The following DNAH11 variants were observed in gnomAD, a reference collection of about 807,000 sequenced individuals.
DNAH11 encodes axonemal beta dynein heavy chain 11.
In DNAH11, 442 loss-of-function variants were observed where a neutral mutation model predicts 526.0. That is an observed-to-expected ratio of 0.84 (90% CI 0.78 to 0.91). DNAH11 has a LOEUF of 0.91. DNAH11 is among the 40% of genes least tolerant of loss of function. The pLI, the probability that DNAH11 is intolerant of heterozygous loss-of-function variation, is 0.00. For missense variants in DNAH11, 6,989 were observed against 5,448.7 expected (o/e 1.28, Z -8.90); for synonymous variants, 2,461 against 1,935.9 (o/e 1.27, Z -7.12).
chr7:21,544,726 GA>G (rs1203375959), intron 1 of DNAH11, among the ~76,000 whole-genome samples: 1 of 152,012 alleles, frequency 6.6e-6, no homozygotes, highest in Non-Finnish European at 1.5e-5. Context: ...TTAGTTATAA[GA>G]TTTTTTTTTT....
chr7:21,740,808 C>G (rs1785848249), intron 48 of DNAH11, among the ~76,000 whole-genome samples: 1 of 152,192 alleles, frequency 6.6e-6, no homozygotes, highest in South Asian at 2.1e-4. Flanking sequence ...ATACTGTTTT[C>G]CATGACAACT....
In DNAH11 at chr7:21,710,654, T is replaced by C. The variant is rs1169901065; in HGVS notation, c.6785T>C (p.Ile2262Thr). 1.2e-6 allele frequency: 2 copies of C among 1,613,362 alleles called. No individual in the cohort carries two copies. The highest frequency in any genetic ancestry group is 1.7e-5 in the Admixed American group (1 of 59,922). Reference protein sequence around the residue: ...GPKWIVLDGDIDPMWIESLNT... With the variant: ...GPKWIVLDGDTDPMWIESLNT... ...AAATGGATAGTCCTGGATGGCGATA[T>C]TGACCCCATGTGGATTGAATCACTG... Residue 2262 changes from isoleucine to threonine, a missense_variant, in exon 41 of 82, where the codon ATT becomes ACT. Physicochemically the swap from Ile to Thr is moderately conservative, Grantham distance 89. Transcript: ENST00000409508.
Position 21,701,852 on chromosome 7 carries a change from G to A in DNAH11, c.6181-858G>A, listed in dbSNP as rs140397950. 4.5e-3 allele frequency among the ~76,000 whole-genome samples: 681 copies of A among 152,204 alleles called. 4 individuals carry two copies. The highest frequency in any genetic ancestry group is 0.015 in the African/African-American group (604 of 41,522). On this transcript the variant is annotated intron_variant, in intron 36 of 81. Transcript: ENST00000409508. The stretch of plus-strand genomic sequence containing the variant: ...GATGATGATTCTGAGGCTCTGGGAG[G>A]TAAAGTGTCTTTCCCATAGACACAG...
intron 68 of DNAH11, among the ~76,000 whole-genome samples, chr7:21,860,099 G>A (rs1783000205): frequency 1.3e-5 from 2 of 152,092 alleles, no homozygotes; most frequent in South Asian, 4.2e-4. Context: ...CTTAGGACCG[G>A]GAGGTTGAGG....
At chr7:21,551,297 G>A (rs976918888) in intron 2 of DNAH11, among the ~76,000 whole-genome samples, 4 of 152,144 alleles carry the variant, frequency 2.6e-5, no homozygotes, top group African/African-American at 9.7e-5. Flanking sequence ...GCTCAGCAGC[G>A]CCATCTGCAA....
chr7:21,789,420 G>A, intron 61 of DNAH11, 78 bp downstream of exon 61: 2 of 866,542 alleles, frequency 2.3e-6, no homozygotes, highest in Non-Finnish European at 3.6e-6. Context: ...CCCTCAGACA[G>A]CACCATATCT....
chr7:21,647,906 A>G (rs1787435335), intron 28 of DNAH11, among the ~76,000 whole-genome samples: 1 of 152,194 alleles, frequency 6.6e-6, no homozygotes, highest in African/African-American at 2.4e-5. Flanking sequence ...GAAATGTTAG[A>G]GAAAGTTCTT....
At chr7:21,634,854 T>A (rs768949408) in intron 25 of DNAH11, among the ~76,000 whole-genome samples, 9 of 152,160 alleles carry the variant, frequency 5.9e-5, no homozygotes, top group Non-Finnish European at 1.3e-4. Flanking sequence ...TGAGGACAGA[T>A]TTAAAACATT....
rs749125298 is a variant in DNAH11, at chr7:21,564,275, C to A, written c.1072C>A (p.Arg358Ser). The A allele has an allele frequency of 6.2e-7, 1 of 1,613,470 alleles. No homozygotes were observed. The change falls in exon 6 of 82, where the codon CGC (arginine) becomes AGC (serine). Residue 358 changes from arginine (R) to serine (S), a missense_variant. Coordinates refer to ENST00000409508, the MANE Select transcript of DNAH11 (RefSeq NM_001277115.2). Reference protein sequence around the residue: ...CLQETEFPQTRILIAPLFHTI... With the variant: ...CLQETEFPQTSILIAPLFHTI... ...CCAGGAGACGGAATTCCCACAGACA[C>A]GCATATTAATCGCTCCATTATTTCA...
intron 57 of DNAH11, among the ~76,000 whole-genome samples, chr7:21,779,980 G>A (rs1787866897): frequency 6.6e-6 from 1 of 151,440 alleles, no homozygotes; most frequent in South Asian, 2.1e-4. Context: ...AAATATTTGA[G>A]TTTTTCCAGT....
chr7:21,607,018 C>A (rs1484526490), intron 20 of DNAH11, among the ~76,000 whole-genome samples: 1 of 152,084 alleles, frequency 6.6e-6, no homozygotes, highest in African/African-American at 2.4e-5. Context: ...TGACTCACAC[C>A]ATCACAAGGC....
At chr7:21,869,888 A>G (rs989116242) in intron 73 of DNAH11, among the ~76,000 whole-genome samples, 3 of 152,190 alleles carry the variant, frequency 2.0e-5, no homozygotes, top group Non-Finnish European at 4.4e-5. Flanking sequence ...GAGTATTACA[A>G]GAACCAGTGG....
intron 32 of DNAH11, among the ~76,000 whole-genome samples, chr7:21,685,985 A>G (rs1229395794): frequency 6.6e-6 from 1 of 152,198 alleles, no homozygotes; most frequent in African/African-American, 2.4e-5. Flanking sequence ...CCTACCCAAA[A>G]CTTGGAACCA....
chr7:21,611,777 A>G (rs1408117126), intron 20 of DNAH11, among the ~76,000 whole-genome samples: 1 of 152,218 alleles, frequency 6.6e-6, no homozygotes, highest in Non-Finnish European at 1.5e-5. Flanking sequence ...TCTACTGGGA[A>G]AAATTCTCTC....
In DNAH11 at chr7:21,778,996, C is replaced by G. The variant is rs762365911; in HGVS notation, c.9375C>G (p.Ala3125=). The change falls in exon 57 of 82, where the codon GCC becomes GCG. Residue 3125 remains alanine, a synonymous_variant. Coordinates refer to ENST00000409508, the MANE Select transcript of DNAH11 (RefSeq NM_001277115.2). ...DLKARLASQE[A]ELQLRNHDAE... ...AAGCCAGACTTGCCTCTCAAGAAGC[C>G]GAGCTGCAACTGAGAAATCATGATG... The G allele has an allele frequency of 6.2e-7, 1 of 1,613,286 alleles. No individual in the cohort carries two copies. Among genetic ancestry groups the G allele is most frequent in the African/African-American group, 1.3e-5 (1 of 74,996 alleles).
chr7:21,841,809 A>G (rs1782214693), intron 65 of DNAH11, among the ~76,000 whole-genome samples: 1 of 152,190 alleles, frequency 6.6e-6, no homozygotes, highest in Admixed American at 6.5e-5. Flanking sequence ...CAAATGCACG[A>G]CACTGAACAT....
chr7:21,769,578 G>A (rs961787650), intron 55 of DNAH11, among the ~76,000 whole-genome samples: 8 of 151,664 alleles, frequency 5.3e-5, no homozygotes, highest in African/African-American at 9.7e-5. Flanking sequence ...TCCGCCTCTC[G>A]GGTTCAAGTG....
Position 21,655,065 on chromosome 7 carries a change from T to TG in DNAH11, c.4945-767_4945-766insG, listed in dbSNP as rs548930529. ...TGATCTGATCTTTGTTGTTGTTGGT[T>TG]TTCCCCCCCCACCCCCAAATTGTCT... On this transcript the variant is annotated intron_variant, in intron 28 of 81. Coordinates refer to ENST00000409508, the MANE Select transcript of DNAH11 (RefSeq NM_001277115.2). Among the ~76,000 whole-genome samples the TG allele has an allele frequency of 1.8e-3, 279 of 150,986 alleles. 3 individuals carry two copies. Among genetic ancestry groups the TG allele is most frequent in the Non-Finnish European group, 1.8e-3 (120 of 67,950 alleles).
intron 26 of DNAH11, among the ~76,000 whole-genome samples, chr7:21,636,959 T>G (rs982743941): frequency 3.9e-5 from 6 of 152,268 alleles, no homozygotes; most frequent in Admixed American, 3.3e-4. Context: ...CGTGGCATGG[T>G]GCATGTAATG....
Sources: allele counts gnomAD v4.1 joint callset (sites outside exome capture counted in the v4.1 genomes callset), GRCh38; gene constraint gnomAD v4.1.1; transcripts MANE v1.5; gene names NCBI Gene and HGNC (gene_info 2026-07-23, HGNC 2026-07-21).